The following TUBB8 variants were observed in gnomAD, a reference collection of about 807,000 sequenced individuals.
The protein encoded by TUBB8 is tubulin beta 8 class VIII, also known as tubulin beta-8 chain.
TUBB8 carries 25 observed loss-of-function variants against 33.7 expected under a neutral mutation model. The ratio of observed to expected loss-of-function variants is 0.74; its 90% confidence interval spans 0.54 to 1.04. The LOEUF (loss-of-function observed/expected upper bound fraction) is 1.04, where lower values mean the gene tolerates loss of function less well. Ranked by LOEUF, TUBB8 falls within the 50% of genes least tolerant of loss-of-function variation. The probability of loss-of-function intolerance (pLI) is 0.00; values close to 1 mark genes in which losing one functional copy is unlikely to be tolerated. For missense variants in TUBB8, 279 were observed against 608.0 expected (o/e 0.46, Z 5.69); for synonymous variants, 245 against 240.1 (o/e 1.02, Z -0.19).
chr10:57,825 G>A (rs1181788202), intron 1 of TUBB8, among the ~76,000 whole-genome samples: 3 of 145,670 alleles, frequency 2.1e-5, no homozygotes, highest in Non-Finnish European at 4.5e-5. Flanking sequence ...TTTTTTTTAA[G>A]TTATACAAAT....
intron 1 of TUBB8, among the ~76,000 whole-genome samples, chr10:72,909 C>A (rs576284887): frequency 1.7e-4 from 25 of 150,238 alleles, no homozygotes; most frequent in Non-Finnish European, 2.5e-4. Context: ...CAGGGCCATA[C>A]GGGTTTACAG....
intron 1 of TUBB8, among the ~76,000 whole-genome samples, chr10:70,128 AAAAG>A (rs1564212993): frequency 1.3e-5 from 2 of 152,204 alleles, no homozygotes; most frequent in East Asian, 3.8e-4. Context: ...TGGTTCCTGC[AAAAG>A]GTGTTGTGTT....
At chr10:74,737 G>T (rs1425199237), upstream of TUBB8, among the ~76,000 whole-genome samples, 6 of 150,846 alleles carry the variant, frequency 4.0e-5, no homozygotes, top group African/African-American at 1.5e-4. Context: ...GTTAAGAAGA[G>T]ACTCCAGGCT....
intron 1 of TUBB8, among the ~76,000 whole-genome samples, chr10:69,688 G>C (rs1404201084): frequency 2.0e-5 from 3 of 152,102 alleles, no homozygotes; most frequent in African/African-American, 7.2e-5. Context: ...ACTTTGGGGG[G>C]ATCTGAGGCC....
chr10:52,330 T>C (rs542168863), upstream of TUBB8, among the ~76,000 whole-genome samples: 4 of 152,326 alleles, frequency 2.6e-5, no homozygotes, highest in South Asian at 6.2e-4. Flanking sequence ...TTGGTGTCCC[T>C]TCATGGTGTT....
In TUBB8 at chr10:47,915, G is replaced by A. The variant is rs782430342; in HGVS notation, c.477C>T (p.Tyr159=). 3 of 1,614,056 alleles carry A rather than the reference G, an allele frequency of 1.9e-6. No individual in the cohort carries two copies. Among genetic ancestry groups the A allele is most frequent in the African/African-American group, 1.3e-5 (1 of 74,954 alleles). ...TGAATGTGTTTATGATCCTGTCTGG[G>A]TACTCCTCCCGGATCTTACTGAGCA... ...TLLLSKIREE[Y]PDRIINTFSI... Residue 159 remains tyrosine, a synonymous_variant, in exon 4 of 4, where the codon TAC becomes TAT. Transcript: ENST00000568584.
At chr10:49,462 G>C (rs1588273260), upstream of TUBB8, 1 of 686,020 alleles carries the variant, frequency 1.5e-6, no homozygotes, top group Admixed American at 2.1e-5. Flanking sequence ...TCCTTGCGTG[G>C]TCCTTTCCAC....
chr10:58,237 T>A (rs1554740438), intron 1 of TUBB8, among the ~76,000 whole-genome samples: 1 of 152,270 alleles, frequency 6.6e-6, no homozygotes, highest in East Asian at 1.9e-4. Context: ...CAGATCACTA[T>A]CAGCATTTTG....
intron 1 of TUBB8, among the ~76,000 whole-genome samples, chr10:61,148 C>T (rs1349531597): frequency 5.9e-5 from 9 of 151,554 alleles, no homozygotes; most frequent in Non-Finnish European, 8.8e-5. Flanking sequence ...GTGGGTGCAG[C>T]GCACCAGCAT....
At chr10:74,173 T>TCG (rs113934372), upstream of TUBB8, 14 of 145,272 alleles carry the variant, frequency 9.6e-5, no homozygotes, top group East Asian at 9.8e-4. Context: ...CGGACACGGT[T>TCG]CGCGCGCGCG....
At chr10:53,565 C>A (rs542903388), upstream of TUBB8, among the ~76,000 whole-genome samples, 57 of 152,150 alleles carry the variant, frequency 3.7e-4, no homozygotes, top group Non-Finnish European at 4.9e-4. Flanking sequence ...CAATGGAAAC[C>A]AAAACAAATT....
At position 66,294 on chromosome 10, in the gene TUBB8, T is replaced by C. The variant is rs1834669822; in HGVS notation, c.-846+7675A>G. ...AGTAAACTACAACACAAAATGTCAA[T>C]ACACAGTAATCTGCTGTATTTCCAG... On this transcript the variant is annotated intron_variant, in intron 1 of 3. Transcript: ENST00000564130. 3.3e-5 allele frequency among the ~76,000 whole-genome samples: 5 copies of C among 152,352 alleles called. No homozygotes were observed. In the South Asian group the frequency reaches 8.3e-4, roughly 25 times the overall value.
chr10:60,993 G>A (rs1332498686), intron 1 of TUBB8, among the ~76,000 whole-genome samples: 3 of 148,270 alleles, frequency 2.0e-5, no homozygotes, highest in African/African-American at 2.5e-5. Context: ...ACCAAACACC[G>A]CATATTCTCA....
At chr10:52,448 A>T (rs1259976580), upstream of TUBB8, among the ~76,000 whole-genome samples, 2 of 152,242 alleles carry the variant, frequency 1.3e-5, no homozygotes, top group Non-Finnish European at 2.9e-5. Context: ...ACAGTGAAAG[A>T]AGCAAGTTTA....
At position 73,782 on chromosome 10, in the gene TUBB8, G is replaced by C. The variant is rs1351375267; in HGVS notation, c.-846+187C>G. 2.6e-5 allele frequency among the ~76,000 whole-genome samples: 4 copies of C among 151,670 alleles called. 1 individual carries two copies. Among genetic ancestry groups the C allele is most frequent in the Non-Finnish European group, 4.4e-5 (3 of 67,796 alleles). Reference sequence around the variant, plus strand: ...TTTCCTCCTCCTCTCCCGGTACCAGGGTCTCTCCCCAGAAACAAACTCGCA... The same window carrying C: ...TTTCCTCCTCCTCTCCCGGTACCAGCGTCTCTCCCCAGAAACAAACTCGCA... On this transcript the variant is annotated intron_variant, in intron 1 of 3. Transcript: ENST00000564130.
intron 1 of TUBB8, among the ~76,000 whole-genome samples, chr10:72,828 G>A (rs1318633749): frequency 6.6e-6 from 1 of 151,324 alleles, no homozygotes; most frequent in Non-Finnish European, 1.5e-5. Context: ...CTCCAGCCTG[G>A]GAGACAGAGC....
At position 49,272 on chromosome 10, in the gene TUBB8, TGAG is replaced by T; in HGVS notation, c.-37_-35del. 6.4e-7 allele frequency: 1 copy of T among 1,570,936 alleles called. No homozygotes were observed. Among genetic ancestry groups the T allele is most frequent in the Non-Finnish European group, 8.6e-7 (1 of 1,158,262 alleles). On this transcript the variant is annotated 5_prime_UTR_variant, in exon 1 of 4. Coordinates refer to ENST00000568584, the MANE Select transcript of TUBB8 (RefSeq NM_177987.3). ...CGGGATTAGGACGGCAGGAGAAACG[TGAG>T]AAGGAGGAGCAGACGCGCAGCGACC...
At chr10:62,039 A>G (rs1554740940) in intron 1 of TUBB8, among the ~76,000 whole-genome samples, 1 of 151,820 alleles carries the variant, frequency 6.6e-6, no homozygotes, top group African/African-American at 2.4e-5. Context: ...TTGCTTCTCT[A>G]TCCATTCATC....
intron 1 of TUBB8, among the ~76,000 whole-genome samples, chr10:57,912 C>T (rs371711876): frequency 2.0e-5 from 3 of 152,202 alleles, no homozygotes; most frequent in East Asian, 1.9e-4. Flanking sequence ...TGCCACATGA[C>T]TAGGCTGCAA....
Sources: allele counts gnomAD v4.1 joint callset (sites outside exome capture counted in the v4.1 genomes callset), GRCh38; gene constraint gnomAD v4.1.1; transcripts MANE v1.5; gene names NCBI Gene and HGNC (gene_info 2026-07-23, HGNC 2026-07-21).